Variants in ST7L observed in about 807,000 individuals in gnomAD.
ST7L encodes suppression of tumorigenicity 7 like.
A neutral mutation model predicts 72.5 loss-of-function variants in ST7L; 57 were observed. The observed-to-expected ratio is 0.79, with a 90% confidence interval of 0.64 to 0.98. The LOEUF (loss-of-function observed/expected upper bound fraction) is 0.98, where lower values mean the gene tolerates loss of function less well. Ranked by LOEUF, ST7L falls within the 50% of genes least tolerant of loss-of-function variation. The pLI is 0.00. For missense variants in ST7L, 576 were observed against 672.2 expected (o/e 0.86, Z 1.58); for synonymous variants, 221 against 240.9 (o/e 0.92, Z 0.77).
chr1:112,581,741 A>G (rs1357219470), intron 9 of ST7L, among the ~76,000 whole-genome samples: 1 of 152,098 alleles, frequency 6.6e-6, no homozygotes, highest in African/African-American at 2.4e-5. Context: ...TCATATTCTG[A>G]ATGACTCACT....
rs1003342509 is a variant in ST7L, at chr1:112,550,972, CAATTGATAATTCCAAAGCAG to C, written c.1397-299_1397-280del. ...TCATTCAGTCTCCTCATTACAAACA[CAATTGATAATTCCAAAGCAG>C]AATTGATAATTCTGCCCCTTACAGA... On this transcript the variant is annotated intron_variant, in intron 12 of 14. Coordinates refer to ENST00000358039, the MANE Select transcript of ST7L (RefSeq NM_017744.5). Among the ~76,000 whole-genome samples the C allele has an allele frequency of 5.6e-4, 85 of 152,090 alleles. No homozygotes were observed. In the Middle Eastern group the frequency reaches 0.01, roughly 18 times the overall value.
intron 6 of ST7L, 115 bp from the exon 7 acceptor site, chr1:112,584,241 G>C: frequency 4.8e-6 from 4 of 837,110 alleles, no homozygotes; most frequent in Non-Finnish European, 4.8e-6. Context: ...TCCATCTTTA[G>C]AAAAAAAAAA....
intron 14 of ST7L, chr1:112,540,912 T>A: frequency 8.4e-7 from 1 of 1,193,286 alleles, no homozygotes; most frequent in Non-Finnish European, 1.1e-6. Flanking sequence ...GATGCATTTT[T>A]AAAAAGGCTT....
chr1:112,570,570 T>TATATACACACACACACAC (rs1183877129), intron 11 of ST7L, among the ~76,000 whole-genome samples: 3 of 143,418 alleles, frequency 2.1e-5, no homozygotes, highest in African/African-American at 7.8e-5. Flanking sequence ...TATATATATA[T>TATATACACACACACACAC]ACACACACAC....
In ST7L at chr1:112,617,968, C is replaced by G. The variant is rs564723362; in HGVS notation, c.205+941G>C. 1.2e-3 allele frequency: 1,538 copies of G among 1,301,240 alleles called. 2 individuals are homozygous for G. Among genetic ancestry groups the G allele is most frequent in the Non-Finnish European group, 1.4e-3 (1,362 of 986,742 alleles). The allele number at this position is 1,301,240 out of a possible 1,614,324, so 80.6% of individuals were successfully genotyped here. Reference sequence around the variant, plus strand: ...AGTTATATTTGAACTTGATACCTATCCTCCAAAAAAACCAAAATATTTCCG... The same window carrying G: ...AGTTATATTTGAACTTGATACCTATGCTCCAAAAAAACCAAAATATTTCCG... On this transcript the variant is annotated intron_variant, in intron 1 of 14. Coordinates refer to ENST00000358039, the MANE Select transcript of ST7L (RefSeq NM_017744.5).
chr1:112,613,136 G>A (rs936794025), intron 2 of ST7L, among the ~76,000 whole-genome samples: 4 of 151,716 alleles, frequency 2.6e-5, no homozygotes, highest in African/African-American at 9.7e-5. Flanking sequence ...AAAAAGAGAA[G>A]ATAAGTACCA....
At position 112,591,564 on chromosome 1, in the gene ST7L, C is replaced by T. The variant is rs758670065; in HGVS notation, c.662G>A (p.Arg221Gln). The change falls in exon 6 of 15, where the codon CGA becomes CAA. Residue 221 changes from arginine (R) to glutamine (Q), a missense_variant. By Grantham distance (43) the Arg-to-Gln change is conservative. Around this residue, in one of 3 missense-constraint regions of ST7L, gnomAD observed 511 missense variants for 600.7 expected, o/e 0.85. Transcript: ENST00000358039. ...TAAAGCTTGATAGGCTGCTTTGATT[C>T]GAGCTGGAGGATTTCTTTCCCTCCA... is the stretch of plus-strand genomic sequence containing the variant. ...KAWRERNPPA[R>Q]IKAAYQALEL... is the part of the protein sequence containing the mutation. 1.3e-5 allele frequency: 21 copies of T among 1,611,192 alleles called. No homozygotes were observed. Among genetic ancestry groups the T allele is most frequent in the Middle Eastern group, 2.0e-4 (1 of 4,902 alleles).
chr1:112,609,069 G>A (rs186336688), intron 3 of ST7L, among the ~76,000 whole-genome samples: 7 of 152,250 alleles, frequency 4.6e-5, no homozygotes, highest in Admixed American at 3.3e-4. Context: ...GCTCACACCT[G>A]TAATTCCAAC....
intron 5 of ST7L, among the ~76,000 whole-genome samples, chr1:112,593,209 A>G (rs1230648798): frequency 6.6e-6 from 1 of 152,118 alleles, no homozygotes; most frequent in African/African-American, 2.4e-5. Flanking sequence ...TAGCCTTTCA[A>G]GAGTATTCTT....
intron 2 of ST7L, among the ~76,000 whole-genome samples, chr1:112,613,520 G>GA (rs1221317932): frequency 6.6e-6 from 1 of 152,064 alleles, no homozygotes; most frequent in African/African-American, 2.4e-5. Context: ...CTTTATACAT[G>GA]TATATGTGAT....
chr1:112,599,059 C>CAAAAAAAAA lies in ST7L; in HGVS notation c.507-982_507-974dup, dbSNP rs761424885. 3.5e-3 allele frequency among the ~76,000 whole-genome samples: 18 copies of CAAAAAAAAA among 5,202 alleles called. 5 individuals are homozygous for CAAAAAAAAA. Among genetic ancestry groups the CAAAAAAAAA allele is most frequent in the East Asian group, 0.026 (2 of 78 alleles). 3.4% of individuals were successfully genotyped at this position (5,202 alleles called of 152,430 possible). A position where few individuals can be genotyped will look rare whatever the true frequency, so the allele number is the denominator to read the frequency against. On this transcript the variant is annotated intron_variant, in intron 4 of 14. Coordinates refer to ENST00000358039, the MANE Select transcript of ST7L (RefSeq NM_017744.5). ...TGGATGACAGAGAGAGACTCAGCCT[C>CAAAAAAAAA]AAAAAAAAAAAAAAATATATATATA...
At chr1:112,581,530 C>T (rs931160088) in intron 9 of ST7L, among the ~76,000 whole-genome samples, 2 of 151,900 alleles carry the variant, frequency 1.3e-5, no homozygotes, top group Non-Finnish European at 2.9e-5. Context: ...TCCCAAGTAG[C>T]TGGGACTACA....
At position 112,609,724 on chromosome 1, in the gene ST7L, G is replaced by A. The variant is rs1668784345; in HGVS notation, c.451+1117C>T. ...TGTAGTCCCAGCTACTCGGGAGGCTGAGGCAGGAGAATCATTTGAACTTGG... is the reference window on the plus strand; with the variant it reads ...TGTAGTCCCAGCTACTCGGGAGGCTAAGGCAGGAGAATCATTTGAACTTGG... On this transcript the variant is annotated intron_variant, in intron 3 of 14. Transcript: ENST00000358039. Among the ~76,000 whole-genome samples the A allele has an allele frequency of 1.3e-5, 2 of 151,874 alleles. 1 individual carries two copies. The highest frequency in any genetic ancestry group is 4.1e-4 in the South Asian group (2 of 4,820).
Position 112,551,214 on chromosome 1 carries a change from T to A in ST7L, c.1397-521A>T, listed in dbSNP as rs139470951. On this transcript the variant is annotated intron_variant, in intron 12 of 14. Coordinates refer to ENST00000358039, the MANE Select transcript of ST7L (RefSeq NM_017744.5). Reference sequence around the variant, plus strand: ...CCCAGGCTGGAGTGCAGTGGCGTGATCTTGGCTCACTACAAGCTCTGCCTC... The same window carrying A: ...CCCAGGCTGGAGTGCAGTGGCGTGAACTTGGCTCACTACAAGCTCTGCCTC... 9.8e-4 allele frequency among the ~76,000 whole-genome samples: 143 copies of A among 146,308 alleles called. 2 individuals carry two copies. In the East Asian group the frequency reaches 0.019, roughly 20 times the overall value.
In ST7L at chr1:112,590,687, G is replaced by A. The variant is rs565761250; in HGVS notation, c.701+838C>T. Among the ~76,000 whole-genome samples the A allele has an allele frequency of 7.2e-5, 11 of 152,220 alleles. No individual in the cohort carries two copies. In the South Asian group the frequency reaches 2.3e-3, roughly 32 times the overall value. ...TTGATCTGTTCCTTGTAAATAGTAA[G>A]TTGCCTTGTGATTTTACATTTTGCC... On this transcript the variant is annotated intron_variant, in intron 6 of 14. Coordinates refer to ENST00000358039, the MANE Select transcript of ST7L (RefSeq NM_017744.5).
chr1:112,568,861 A>T lies in ST7L; in HGVS notation c.1245+8125T>A, dbSNP rs796964804. Among the ~76,000 whole-genome samples, 86 of 114,812 alleles carry T rather than the reference A, an allele frequency of 7.5e-4. 1 individual carries two copies. Among genetic ancestry groups the T allele is most frequent in the Admixed American group, 2.7e-3 (25 of 9,254 alleles). The allele number at this position is 114,812 out of a possible 152,430, so 75.3% of individuals were successfully genotyped here. Reference sequence around the variant, plus strand: ...CCTGTTTTTTATAAATATAAATATAAATATATATATATATATATATATATA... The same window carrying T: ...CCTGTTTTTTATAAATATAAATATATATATATATATATATATATATATATA... On this transcript the variant is annotated intron_variant, in intron 11 of 14. Transcript: ENST00000358039.
chr1:112,527,400 C>G (rs1653628093), intron 14 of ST7L: 1 of 152,838 alleles, frequency 6.5e-6, no homozygotes, highest in Non-Finnish European at 1.5e-5. Flanking sequence ...CCACCCCCAA[C>G]TGCCTCTGCA....
chr1:112,573,348 C>CAAAAAAAAAAAAAAAAAAAA (rs35107656), intron 11 of ST7L, among the ~76,000 whole-genome samples: 1 of 69,664 alleles, frequency 1.4e-5, no homozygotes, highest in Non-Finnish European at 2.7e-5. Flanking sequence ...AACTCCCTCT[C>CAAAAAAAAAAAAAAAAAAAA]AAAAAAAAAA....
chr1:112,539,680 G>C, intron 14 of ST7L: 1 of 597,634 alleles, frequency 1.7e-6, no homozygotes, highest in Non-Finnish European at 2.0e-6. Flanking sequence ...AAAAGAAAAA[G>C]AAAAAGAAAA....
Sources: allele counts gnomAD v4.1 joint callset (sites outside exome capture counted in the v4.1 genomes callset), GRCh38; gene constraint gnomAD v4.1.1; regional missense constraint gnomAD v4.1.1; transcripts MANE v1.5; gene names NCBI Gene and HGNC (gene_info 2026-07-23, HGNC 2026-07-21).